The following PIGK variants were observed in gnomAD, a reference collection of about 807,000 sequenced individuals.
The protein encoded by PIGK is phosphatidylinositol glycan anchor biosynthesis class K, also known as GPI-anchor transamidase.
In PIGK, 42 loss-of-function variants were observed where a neutral mutation model predicts 50.6. That is an observed-to-expected ratio of 0.83 (90% CI 0.65 to 1.07). The LOEUF is 1.07. PIGK is among the 50% of genes least tolerant of loss of function. PIGK has a pLI of 0.00. For synonymous variants in PIGK, 151 were observed against 156.0 expected, an observed-to-expected ratio of 0.97 and a Z score of 0.24; for missense variants, 448 against 488.7, an observed-to-expected ratio of 0.92 and a Z score of 0.78.
chr1:77,219,429 C>T lies in PIGK; in HGVS notation c.-27G>A, dbSNP rs1656673123. ...TTTACCGGCTTCAGACTTCCCGCAC[C>T]TGAAGGGGCGGAGGCAGTGCCGTAA... On this transcript the variant is annotated 5_prime_UTR_variant, in exon 1 of 11. Transcript: ENST00000370812. 1 of 1,601,530 alleles carries T rather than the reference C, an allele frequency of 6.2e-7. No individual in the cohort carries two copies. The highest frequency in any genetic ancestry group is 8.5e-7 in the Non-Finnish European group (1 of 1,170,414).
intron 3 of PIGK, among the ~76,000 whole-genome samples, chr1:77,189,782 TAC>T (rs1195431034): frequency 2.1e-5 from 3 of 146,088 alleles, no homozygotes; most frequent in East Asian, 4.0e-4. Flanking sequence ...CACACAGATA[TAC>T]AGATATACAT....
At position 77,121,262 on chromosome 1, in the gene PIGK, T is replaced by C. The variant is rs973879100; in HGVS notation, c.1071+1013A>G. On this transcript the variant is annotated intron_variant, in intron 10 of 10. Coordinates refer to ENST00000370812, the MANE Select transcript of PIGK (RefSeq NM_005482.3). The stretch of plus-strand genomic sequence containing the variant: ...GCAGACTGTTAGGTCATTTAAGCTC[T>C]GACAACACTAGGGAATTCCTGACAT... 2.0e-5 allele frequency among the ~76,000 whole-genome samples: 3 copies of C among 152,174 alleles called. No homozygotes were observed. The East Asian group carries it at 5.8e-4, about 29-fold the overall frequency.
chr1:77,181,397 G>C (rs1027640959), intron 3 of PIGK, among the ~76,000 whole-genome samples: 2 of 152,098 alleles, frequency 1.3e-5, no homozygotes, highest in Non-Finnish European at 1.5e-5. Flanking sequence ...CTTTTCGTTT[G>C]TAATAAACTG....
At chr1:77,142,009 C>T (rs1654659775) in intron 9 of PIGK, among the ~76,000 whole-genome samples, 1 of 151,912 alleles carries the variant, frequency 6.6e-6, no homozygotes. Flanking sequence ...TAGTTCAATA[C>T]TAATATGGCA....
chr1:77,131,127 A>G (rs1654363559), intron 9 of PIGK, among the ~76,000 whole-genome samples: 2 of 151,940 alleles, frequency 1.3e-5, no homozygotes, highest in Admixed American at 1.3e-4. Flanking sequence ...CATAAAGAAG[A>G]TGTACATCTT....
intron 8 of PIGK, among the ~76,000 whole-genome samples, chr1:77,158,023 T>A (rs1655049837): frequency 6.6e-6 from 1 of 152,122 alleles, no homozygotes; most frequent in Admixed American, 6.6e-5. Flanking sequence ...TGTTTGTTTG[T>A]TTGTTTGTAT....
intron 3 of PIGK, among the ~76,000 whole-genome samples, chr1:77,186,392 G>A (rs569696528): frequency 9.2e-5 from 14 of 152,354 alleles, no homozygotes; most frequent in Non-Finnish European, 1.9e-4. Context: ...TGTGCACTTT[G>A]CATGGAAGGA....
chr1:77,194,567 A>T (rs1476026397), intron 3 of PIGK, among the ~76,000 whole-genome samples: 2 of 150,260 alleles, frequency 1.3e-5, no homozygotes, highest in Non-Finnish European at 3.0e-5. Context: ...GTTCTCACTT[A>T]TAAGTAGGAG....
At position 77,166,841 on chromosome 1, in the gene PIGK, A is replaced by G. The variant is rs1433384548; in HGVS notation, c.376-11T>C. 3.4e-6 allele frequency: 4 copies of G among 1,179,704 alleles called. No homozygotes were observed. The allele number at this position is 1,179,704 out of a possible 1,614,324, so 73.1% of individuals were successfully genotyped here. ...ATTCTCCACAGTTACCTAAGGGGGA[A>G]AAAACAAGAAAAATCAGATGAAATA... On this transcript the variant is annotated splice_polypyrimidine_tract_variant and intron_variant, in intron 4 of 10. Transcript: ENST00000370812.
chr1:77,191,805 C>A (rs956072230), intron 3 of PIGK, among the ~76,000 whole-genome samples: 69 of 152,244 alleles, frequency 4.5e-4, no homozygotes, highest in South Asian at 1.9e-3. Flanking sequence ...GTGGGCGGAT[C>A]GCTTGAGCCC....
chr1:77,217,872 A>G (rs749535275), intron 1 of PIGK, among the ~76,000 whole-genome samples: 20 of 152,242 alleles, frequency 1.3e-4, no homozygotes, highest in Non-Finnish European at 2.5e-4. Context: ...AAAATATTGT[A>G]ATGTGAAAAA....
intron 9 of PIGK, chr1:77,129,621 A>T (rs1654320829): frequency 1.0e-5 from 16 of 1,545,436 alleles, no homozygotes; most frequent in Non-Finnish European, 1.4e-5. Flanking sequence ...GAAGAAAAAG[A>T]TATCCCAGAA....
intron 9 of PIGK, among the ~76,000 whole-genome samples, chr1:77,144,957 T>G (rs1333967154): frequency 1.3e-5 from 2 of 151,940 alleles, no homozygotes; most frequent in African/African-American, 4.8e-5. Context: ...ATTATACTGA[T>G]GAGTAAATTA....
At chr1:77,129,340 G>C in intron 9 of PIGK, 1 of 1,585,420 alleles carries the variant, frequency 6.3e-7, no homozygotes, top group Non-Finnish European at 8.6e-7. Context: ...GCCAAGCAGT[G>C]GGGCTGGACA....
intron 9 of PIGK, among the ~76,000 whole-genome samples, chr1:77,136,536 C>CAA (rs778130093): frequency 0.034 from 2,111 of 62,896 alleles, 113 homozygotes; most frequent in Middle Eastern, 0.071. Context: ...GACTCCGTCT[C>CAA]AAAAAAAAAA....
chr1:77,122,461 A>T (rs1654122851), intron 9 of PIGK, 102 bp from the exon 10 acceptor site: 1 of 674,846 alleles, frequency 1.5e-6, no homozygotes, highest in East Asian at 2.8e-5. Context: ...AAATGCATAG[A>T]TTTTTTTTGA....
intron 3 of PIGK, among the ~76,000 whole-genome samples, chr1:77,170,716 T>C (rs1351860497): frequency 6.6e-6 from 1 of 152,240 alleles, no homozygotes; most frequent in Non-Finnish European, 1.5e-5. Flanking sequence ...ATACTTCTCA[T>C]CTTCACTCTA....
chr1:77,113,037 G>T (rs1225326004), intron 10 of PIGK, among the ~76,000 whole-genome samples: 4 of 151,970 alleles, frequency 2.6e-5, no homozygotes, highest in Admixed American at 6.6e-5. Context: ...ATTTGGCATA[G>T]TTATAAAATT....
intron 9 of PIGK, among the ~76,000 whole-genome samples, chr1:77,135,806 C>T (rs1035962864): frequency 2.0e-5 from 3 of 150,556 alleles, no homozygotes; most frequent in Admixed American, 6.6e-5. Context: ...AAAAAAAAAG[C>T]TGAAACTCCA....
Sources: gnomAD v4.1 joint callset for allele counts (sites outside exome capture counted in the v4.1 genomes callset) on GRCh38, gnomAD v4.1.1 for gene constraint, MANE v1.5 for transcripts, NCBI Gene and HGNC (gene_info 2026-07-23, HGNC 2026-07-21) for gene names.